The following YTHDC2 variants were observed in gnomAD, a reference collection of about 807,000 sequenced individuals.
YTHDC2 encodes the protein YTH N6-methyladenosine RNA binding protein C2.
A neutral mutation model predicts 174.9 loss-of-function variants in YTHDC2; 45 were observed. The ratio of observed to expected loss-of-function variants is 0.26; its 90% CI spans 0.20 to 0.33. The LOEUF is 0.33. YTHDC2 is among the 10% of genes least tolerant of loss of function. The pLI, the probability that YTHDC2 is intolerant of heterozygous loss-of-function variation, is 1.00. For synonymous variants in YTHDC2, 657 were observed against 574.5 expected, an observed-to-expected ratio of 1.14 and a Z score of -2.05; for missense variants, 1,650 against 1,723.7, an observed-to-expected ratio of 0.96 and a Z score of 0.76.
intron 2 of YTHDC2, among the ~76,000 whole-genome samples, chr5:113,517,910 A>G (rs184447238): frequency 4.1e-4 from 62 of 151,956 alleles, no homozygotes; most frequent in African/African-American, 1.4e-3. Flanking sequence ...TTTTTTTGAG[A>G]TGGAGTCTTG....
chr5:113,520,990 A>G (rs1773826569), intron 2 of YTHDC2, among the ~76,000 whole-genome samples: 3 of 152,184 alleles, frequency 2.0e-5, no homozygotes, highest in South Asian at 4.2e-4. Flanking sequence ...TTTAGCTCCT[A>G]CTTACAAATG....
chr5:113,543,231 T>C (rs984876299), intron 10 of YTHDC2, among the ~76,000 whole-genome samples: 2 of 152,194 alleles, frequency 1.3e-5, no homozygotes, highest in Non-Finnish European at 2.9e-5. Flanking sequence ...TAAAATTGGA[T>C]ACTCCTCAAA....
intron 23 of YTHDC2, among the ~76,000 whole-genome samples, chr5:113,576,720 CATTT>C (rs1778075050): frequency 6.6e-6 from 1 of 151,822 alleles, no homozygotes; most frequent in Admixed American, 6.6e-5. Context: ...ATCTTCTGCC[CATTT>C]ATTTGGGTAC....
At chr5:113,532,470 A>T (rs1774740075) in intron 4 of YTHDC2, among the ~76,000 whole-genome samples, 1 of 152,198 alleles carries the variant, frequency 6.6e-6, no homozygotes, top group African/African-American at 2.4e-5. Context: ...TATTTAAAAA[A>T]TCCCAGTGGA....
In YTHDC2 at chr5:113,584,453, A is replaced by G. The variant is rs1778567411; in HGVS notation, c.3799A>G (p.Ser1267Gly). The change falls in exon 26 of 30, where the codon AGT becomes GGT. Residue 1267 changes from serine to glycine, a missense_variant. Ser to Gly is a moderately conservative substitution (Grantham distance 56). This residue lies in a region of YTHDC2 where 913 missense variants were observed against 940.4 expected (regional missense o/e 0.97). Coordinates refer to ENST00000161863, the MANE Select transcript of YTHDC2 (RefSeq NM_022828.5). ...CAGTAGTTACCCAAGTCCTTGTGCT[A>G]GTCCTTCTCCTCCATCCTCAGGAAA... ...DSSSYPSPCA[S>G]PSPPSSGKGS... The G allele has an allele frequency of 6.2e-7, 1 of 1,612,896 alleles. No homozygotes were observed. The highest frequency in any genetic ancestry group is 8.5e-7 in the Non-Finnish European group (1 of 1,179,330).
In YTHDC2 at chr5:113,595,009, T is replaced by G. The variant is rs1779188620; in HGVS notation, c.*1535T>G. ...CCTATTTGAATTATATTCCACTGTATGTGTATTATGGCTCTTTTCCTATTA... is the reference window on the plus strand; with the variant it reads ...CCTATTTGAATTATATTCCACTGTAGGTGTATTATGGCTCTTTTCCTATTA... On this transcript the variant is annotated 3_prime_UTR_variant, in exon 30 of 30. Coordinates refer to ENST00000161863, the MANE Select transcript of YTHDC2 (RefSeq NM_022828.5). The G allele has an allele frequency of 6.6e-6, 1 of 152,170 alleles. No individual in the cohort carries two copies. The highest frequency in any genetic ancestry group is 1.5e-5 in the Non-Finnish European group (1 of 68,024). The allele number at this position is 152,170 out of a possible 1,614,324, so 9.4% of individuals were successfully genotyped here.
rs1308060917 is a variant in YTHDC2 at position 113,563,995 on chromosome 5, T to C, written c.2579T>C (p.Ile860Thr). Residue 860 changes from isoleucine (I) to threonine (T), a missense_variant, in exon 20 of 30, where the codon ATT (isoleucine) becomes ACT (threonine). Transcript: ENST00000161863. ...AAGTGTCTGGACCCCATCCTTACAA[T>C]TGCTTGCACACTAGCTTATCGAGAT... is the stretch of plus-strand genomic sequence containing the variant. ...VLKCLDPILT[I>T]ACTLAYRDPF... 2 of 1,614,098 alleles carry C rather than the reference T, an allele frequency of 1.2e-6. No homozygotes were observed. The highest frequency in any genetic ancestry group is 2.2e-5 in the South Asian group (2 of 91,080).
Position 113,548,686 on chromosome 5 carries a change from G to C in YTHDC2, c.1622+19G>C, listed in dbSNP as rs1776049787. The C allele has an allele frequency of 6.3e-7, 1 of 1,598,744 alleles. No homozygotes were observed. Among genetic ancestry groups the C allele is most frequent in the African/African-American group, 1.3e-5 (1 of 74,250 alleles). On this transcript the variant is annotated intron_variant, in intron 11 of 29. Transcript: ENST00000161863. ...ATGGCTGGTAATTTTAAACTACGTT[G>C]ATTCTTCATATATCTTTGTATAGCT...
Position 113,525,030 on chromosome 5 carries a change from A to G in YTHDC2, c.328A>G (p.Thr110Ala), listed in dbSNP as rs1214980640. The G allele has an allele frequency of 1.2e-6, 2 of 1,610,338 alleles. No homozygotes were observed. The highest frequency in any genetic ancestry group is 8.5e-7 in the Non-Finnish European group (1 of 1,178,714). ...TGTGAAGAAGAAAGATGGATCAGAA[A>G]CAGCTCATGCAATGATGACCTGTAA... ...LTVKKKDGSE[T>A]AHAMMTCNLT... Residue 110 changes from threonine to alanine, a missense_variant, in exon 3 of 30, where the codon ACA (threonine) becomes GCA (alanine). Physicochemically the swap from Thr to Ala is moderately conservative, Grantham distance 58. Around this residue, in one of 5 missense-constraint regions of YTHDC2, gnomAD observed 304 missense variants for 341.4 expected, o/e 0.89. Coordinates refer to ENST00000161863, the MANE Select transcript of YTHDC2 (RefSeq NM_022828.5).
intron 3 of YTHDC2, 41 bp from the exon 4 acceptor site, chr5:113,526,545 T>C: frequency 6.6e-7 from 1 of 1,512,534 alleles, no homozygotes; most frequent in African/African-American, 1.4e-5. Flanking sequence ...TCTTTTTCCG[T>C]GTTGATCATA....
At position 113,563,475 on chromosome 5, in the gene YTHDC2, G is replaced by C; in HGVS notation, c.2425G>C (p.Ala809Pro). Residue 809 changes from alanine to proline, a missense_variant, in exon 19 of 30, where the codon GCT becomes CCT. Coordinates refer to ENST00000161863, the MANE Select transcript of YTHDC2 (RefSeq NM_022828.5). Reference sequence around the variant, plus strand: ...TCCACCAGCTTTAATTGTAAGAAATGCTGTACAAATGCTTAAGGTTGGTGT... The same window carrying C: ...TCCACCAGCTTTAATTGTAAGAAATCCTGTACAAATGCTTAAGGTTGGTGT... ...EPPPALIVRN[A>P]VQMLKTIDAM... 5 of 1,608,204 alleles carry C rather than the reference G, an allele frequency of 3.1e-6. No individual in the cohort carries two copies. Among genetic ancestry groups the C allele is most frequent in the Non-Finnish European group, 4.2e-6 (5 of 1,176,920 alleles).
At chr5:113,517,445 T>C (rs1334167401) in intron 2 of YTHDC2, 3 of 410,242 alleles carry the variant, frequency 7.3e-6, no homozygotes, top group Non-Finnish European at 1.4e-5. Context: ...AGACTTCCTG[T>C]CCTTCTCTTC....
intron 23 of YTHDC2, among the ~76,000 whole-genome samples, chr5:113,575,018 C>T (rs577616933): frequency 5.3e-5 from 8 of 152,038 alleles, no homozygotes; most frequent in Non-Finnish European, 7.4e-5. Context: ...TGTGGGCTGT[C>T]GCCTTCACCT....
intron 23 of YTHDC2, among the ~76,000 whole-genome samples, chr5:113,568,548 C>T (rs1777505185): frequency 6.6e-6 from 1 of 152,096 alleles, no homozygotes; most frequent in Admixed American, 6.6e-5. Flanking sequence ...CAGTAGGCCC[C>T]AGTGTGTGTT....
In YTHDC2 at chr5:113,588,705, C is replaced by A. The variant is rs1019024629; in HGVS notation, c.3826-2336C>A. Among the ~76,000 whole-genome samples, 6 of 151,958 alleles carry A rather than the reference C, an allele frequency of 3.9e-5. No homozygotes were observed. The East Asian group carries it at 1.2e-3, about 29-fold the overall frequency. Reference sequence around the variant, plus strand: ...TGGCGCGATCTCGGCTCACTACAAGCTCAGCCTCCTGGGTTCACGCCATTT... The same window carrying A: ...TGGCGCGATCTCGGCTCACTACAAGATCAGCCTCCTGGGTTCACGCCATTT... On this transcript the variant is annotated intron_variant, in intron 26 of 29. Coordinates refer to ENST00000161863, the MANE Select transcript of YTHDC2 (RefSeq NM_022828.5).
At chr5:113,537,494 G>A (rs1775165016) in intron 7 of YTHDC2, among the ~76,000 whole-genome samples, 1 of 149,120 alleles carries the variant, frequency 6.7e-6, no homozygotes, top group African/African-American at 2.5e-5. Context: ...TCTTTTACAT[G>A]ATGCTTAAAT....
At chr5:113,577,768 G>C (rs1331934844) in intron 23 of YTHDC2, among the ~76,000 whole-genome samples, 1 of 151,884 alleles carries the variant, frequency 6.6e-6, no homozygotes, top group Non-Finnish European at 1.5e-5. Context: ...ATATATTTTT[G>C]GTAACTTTTA....
intron 10 of YTHDC2, among the ~76,000 whole-genome samples, chr5:113,547,834 T>G (rs1224304937): frequency 6.6e-6 from 1 of 152,198 alleles, no homozygotes; most frequent in Admixed American, 6.5e-5. Context: ...GTAGTTATCT[T>G]AAATTTTACT....
chr5:113,538,286 G>A (rs751067762), intron 7 of YTHDC2, among the ~76,000 whole-genome samples: 1 of 152,112 alleles, frequency 6.6e-6, no homozygotes, highest in Non-Finnish European at 1.5e-5. Context: ...ATTGCAGTCA[G>A]AGTGGTCTTC....
Sources: allele counts gnomAD v4.1 joint callset (sites outside exome capture counted in the v4.1 genomes callset), GRCh38; gene constraint gnomAD v4.1.1; regional missense constraint gnomAD v4.1.1; transcripts MANE v1.5; gene names NCBI Gene and HGNC (gene_info 2026-07-23, HGNC 2026-07-21).